Variants in MID2 observed in about 807,000 individuals in gnomAD.
The protein encoded by MID2 is probable E3 ubiquitin-protein ligase MID2.
In MID2, 13 loss-of-function variants were observed where a neutral mutation model predicts 46.1. The observed-to-expected ratio is 0.28, with a 90% CI of 0.18 to 0.45. MID2 has a LOEUF of 0.45. MID2 is among the 20% of genes least tolerant of loss of function. MID2 has a pLI of 1.00. For missense variants in MID2, 431 were observed against 575.4 expected, an observed-to-expected ratio of 0.75 and a Z score of 2.57; for synonymous variants, 199 against 212.3, an observed-to-expected ratio of 0.94 and a Z score of 0.55.
Position 107,927,285 on chromosome X carries a change from G to A in MID2, c.*212G>A, listed in dbSNP as rs184039524. On this transcript the variant is annotated 3_prime_UTR_variant, in exon 10 of 10. Transcript: ENST00000262843. ...AGAACAAATTATCTGAGTAGTCTGC[G>A]TTCAAGCCATTGGAGAAAAATTTAG... 40 of 327,456 alleles carry A rather than the reference G, an allele frequency of 1.2e-4. No individual in the cohort carries two copies. Among genetic ancestry groups the A allele is most frequent in the South Asian group, 2.8e-4 (2 of 7,172 alleles). The allele number at this position is 327,456 out of a possible 1,213,427, so 27.0% of individuals were successfully genotyped here. A position where few individuals can be genotyped will look rare whatever the true frequency, so the allele number is the denominator to read the frequency against.
In MID2 at chrX:107,901,845, T is replaced by C. The variant is rs180677775; in HGVS notation, c.817-2113T>C. On this transcript the variant is annotated intron_variant, in intron 3 of 9. Coordinates refer to ENST00000262843, the MANE Select transcript of MID2 (RefSeq NM_012216.4). ...TGGGGAAATGACTTTCCAAGTAAAA[T>C]GACAATCTCGGGCAAAGGCACAGGA... Among the ~76,000 whole-genome samples the C allele has an allele frequency of 5.4e-5, 6 of 111,443 alleles. No individual in the cohort carries two copies. The East Asian group carries it at 1.7e-3, about 32-fold the overall frequency.
chrX:107,854,032 CTGACTTACCA>C (rs754988359), intron 2 of MID2, among the ~76,000 whole-genome samples: 1 of 112,145 alleles, frequency 8.9e-6, no homozygotes, highest in Admixed American at 9.4e-5. Context: ...CAGATGGTCC[CTGACTTACCA>C]TAGTTCAACT....
At chrX:107,916,703 G>T (rs150699274) in intron 6 of MID2, among the ~76,000 whole-genome samples, 165 of 112,297 alleles carry the variant, frequency 1.5e-3, no homozygotes, top group African/African-American at 4.9e-3. Flanking sequence ...TTAAATAGCT[G>T]CTCCTTATTG....
intron 1 of MID2, among the ~76,000 whole-genome samples, chrX:107,837,091 T>C (rs1931224865): frequency 8.9e-6 from 1 of 111,839 alleles, no homozygotes; most frequent in Non-Finnish European, 1.9e-5. Flanking sequence ...AAATCCTATT[T>C]TGACCTTACC....
At chrX:107,884,295 G>A (rs752159420) in intron 3 of MID2, among the ~76,000 whole-genome samples, 10 of 112,182 alleles carry the variant, frequency 8.9e-5, no homozygotes, top group Non-Finnish European at 1.5e-4. Flanking sequence ...CCAGACCAGC[G>A]TAGCAACTTG....
chrX:107,864,769 A>G (rs1931922153), intron 3 of MID2, among the ~76,000 whole-genome samples: 1 of 111,992 alleles, frequency 8.9e-6, no homozygotes, highest in Non-Finnish European at 1.9e-5. Flanking sequence ...GCTATTATTA[A>G]TGGTGTCTTT....
At chrX:107,879,555 G>C (rs945300722) in intron 3 of MID2, among the ~76,000 whole-genome samples, 1 of 111,784 alleles carries the variant, frequency 8.9e-6, no homozygotes, top group Non-Finnish European at 1.9e-5. Flanking sequence ...ATGGGCACAG[G>C]GTGGTGGGCA....
At chrX:107,870,753 C>CT (rs59717985) in intron 3 of MID2, among the ~76,000 whole-genome samples, 11,361 of 74,065 alleles carry the variant, frequency 0.15, 1,147 homozygotes, top group African/African-American at 0.32. Context: ...CAAATTGCGG[C>CT]TTTTTTTTTT....
chrX:107,899,817 C>A (rs1469658390), intron 3 of MID2, among the ~76,000 whole-genome samples: 3 of 111,613 alleles, frequency 2.7e-5, no homozygotes, highest in African/African-American at 9.8e-5. Flanking sequence ...AAATAAAGAG[C>A]TAGGGTCTTC....
chrX:107,905,838 A>T (rs1017466483), intron 5 of MID2, among the ~76,000 whole-genome samples: 2 of 111,977 alleles, frequency 1.8e-5, no homozygotes, highest in African/African-American at 6.5e-5. Flanking sequence ...ACAGTCAAGT[A>T]CCAGCCGTAG....
At chrX:107,891,152 GA>G (rs1210211615) in intron 3 of MID2, among the ~76,000 whole-genome samples, 1 of 110,788 alleles carries the variant, frequency 9.0e-6, no homozygotes, top group African/African-American at 3.3e-5. Context: ...TCCCCAGTGA[GA>G]TGAACCCAGT....
intron 3 of MID2, among the ~76,000 whole-genome samples, chrX:107,882,546 A>G (rs1199910102): frequency 8.9e-6 from 1 of 112,167 alleles, no homozygotes; most frequent in Non-Finnish European, 1.9e-5. Flanking sequence ...GGCAAAGGAT[A>G]TGAACAGACA....
chrX:107,858,489 T>A lies in MID2; in HGVS notation c.816+3785T>A, dbSNP rs919138022. Among the ~76,000 whole-genome samples the A allele has an allele frequency of 3.6e-5, 4 of 112,229 alleles. No homozygotes were observed. The East Asian group carries it at 1.1e-3, about 31-fold the overall frequency. ...TGTGAATAATAGGCATTCTAAAACA[T>A]AGCGAGGGGCAAATATAGTTAAATA... On this transcript the variant is annotated intron_variant, in intron 3 of 9. Coordinates refer to ENST00000262843, the MANE Select transcript of MID2 (RefSeq NM_012216.4).
At chrX:107,880,826 A>G (rs1272758013) in intron 3 of MID2, among the ~76,000 whole-genome samples, 2 of 112,463 alleles carry the variant, frequency 1.8e-5, no homozygotes, top group Non-Finnish European at 3.8e-5. Context: ...GCGTCTCCTA[A>G]AATTAGCTTG....
chrX:107,849,963 T>A (rs957241268), intron 2 of MID2, among the ~76,000 whole-genome samples: 8 of 111,693 alleles, frequency 7.2e-5, no homozygotes, highest in Non-Finnish European at 1.1e-4. Context: ...CCAGCAGATA[T>A]CTCCATTCCA....
chrX:107,852,808 C>T lies in MID2; in HGVS notation c.721-1801C>T, dbSNP rs1208670771. Among the ~76,000 whole-genome samples the T allele has an allele frequency of 2.7e-5, 3 of 111,974 alleles. No homozygotes were observed. In the Admixed American group the frequency reaches 2.8e-4, roughly 11 times the overall value. ...AAGGGGCCAAGTACACAAATCTCTTCTTTTCCTTCATGTTCCCTCTCTCCC... is the reference window on the plus strand; with the variant it reads ...AAGGGGCCAAGTACACAAATCTCTTTTTTTCCTTCATGTTCCCTCTCTCCC... On this transcript the variant is annotated intron_variant, in intron 2 of 9. Transcript: ENST00000262843.
rs1933208512 is a variant in MID2, at chrX:107,927,711, A to G, written c.*638A>G. On this transcript the variant is annotated 3_prime_UTR_variant, in exon 10 of 10. Transcript: ENST00000262843. The stretch of plus-strand genomic sequence containing the variant: ...TTTTTTCCAAACACCACCTCGAACT[A>G]GAACAAAAAACTTTTTAATTTGCTA... 8.9e-6 allele frequency among the ~76,000 whole-genome samples: 1 copy of G among 111,939 alleles called. No homozygotes were observed. Among genetic ancestry groups the G allele is most frequent in the Non-Finnish European group, 1.9e-5 (1 of 53,151 alleles).
intron 1 of MID2, among the ~76,000 whole-genome samples, chrX:107,832,664 TATG>T (rs1190777598): frequency 9.0e-6 from 1 of 111,360 alleles, no homozygotes; most frequent in Non-Finnish European, 1.9e-5. Flanking sequence ...CAGGCTGTAT[TATG>T]AGGGTCAAAT....
rs1933191725 is a variant in MID2 at position 107,926,977 on chromosome X, G to C, written c.2112G>C (p.Leu704Phe). 1 of 1,210,477 alleles carries C rather than the reference G, an allele frequency of 8.3e-7. No homozygotes were observed. Among genetic ancestry groups the C allele is most frequent in the Non-Finnish European group, 1.1e-6 (1 of 894,597 alleles). ...WNKSLMILSG[L>F]PAPDFIDYPE... ...AATCCCTAATGATCCTGTCTGGCTT[G>C]CCTGCCCCAGATTTTATTGATTACC... is the stretch of plus-strand genomic sequence containing the variant. Residue 704 changes from leucine to phenylalanine, a missense_variant, in exon 10 of 10, where the codon TTG (leucine) becomes TTC (phenylalanine). Coordinates refer to ENST00000262843, the MANE Select transcript of MID2 (RefSeq NM_012216.4).
Sources: allele counts gnomAD v4.1 joint callset (sites outside exome capture counted in the v4.1 genomes callset), GRCh38; gene constraint gnomAD v4.1.1; transcripts MANE v1.5; gene names NCBI Gene and HGNC (gene_info 2026-07-23, HGNC 2026-07-21).